Variants in FRMD5 observed in about 807,000 individuals in gnomAD.
FRMD5 encodes FERM domain-containing protein 5.
Under a neutral mutation model 69.0 loss-of-function variants are expected in FRMD5, and 20 were observed. That is an observed-to-expected ratio of 0.29 (90% CI 0.20 to 0.42). FRMD5 has a LOEUF of 0.42. Ranked by LOEUF, FRMD5 falls within the 10% of genes least tolerant of loss-of-function variation. FRMD5 has a pLI of 1.00. For missense variants in FRMD5, 595 were observed against 708.6 expected (o/e 0.84, Z 1.82); for synonymous variants, 271 against 260.1 (o/e 1.04, Z -0.40).
Position 43,874,273 on chromosome 15 carries a change from A to C in FRMD5, c.1325T>G (p.Leu442Arg). The C allele has an allele frequency of 6.2e-7, 1 of 1,614,242 alleles. No individual in the cohort carries two copies. Residue 442 changes from leucine to arginine, a missense_variant, in exon 14 of 14, where the codon CTG becomes CGG. Physicochemically the swap from Leu to Arg is moderately radical, Grantham distance 102. Transcript: ENST00000417257. ...PTPVAEHSLE[L>R]MLLSRQINGA... ...ATTGATCTGCCGGGAAAGCAACATC[A>C]GCTCCAGGCTGTGCTCAGCCACAGG...
chr15:44,186,667 C>T (rs1329620850), intron 1 of FRMD5, among the ~76,000 whole-genome samples: 1 of 152,212 alleles, frequency 6.6e-6, no homozygotes, highest in Admixed American at 6.5e-5. Context: ...CAGCAAGCCC[C>T]CTTAATCTCT....
intron 1 of FRMD5, among the ~76,000 whole-genome samples, chr15:44,192,003 G>C (rs184063657): frequency 3.4e-5 from 5 of 147,784 alleles, no homozygotes; most frequent in Non-Finnish European, 5.9e-5. Flanking sequence ...CTGCATTTAC[G>C]AGGAAATGAC....
intron 1 of FRMD5, among the ~76,000 whole-genome samples, chr15:44,018,321 T>C (rs1891062062): frequency 6.6e-6 from 1 of 152,230 alleles, no homozygotes; most frequent in South Asian, 2.1e-4. Context: ...TCTGTTTGTT[T>C]CATGCCTCAG....
At chr15:44,000,199 G>T (rs1890149883) in intron 1 of FRMD5, among the ~76,000 whole-genome samples, 1 of 151,246 alleles carries the variant, frequency 6.6e-6, no homozygotes, top group African/African-American at 2.4e-5. Flanking sequence ...TATTGCCCAG[G>T]GTGGTCTTGA....
chr15:43,973,730 A>G (rs180738720), intron 1 of FRMD5, among the ~76,000 whole-genome samples: 6 of 152,204 alleles, frequency 3.9e-5, no homozygotes, highest in Admixed American at 3.9e-4. Context: ...CTGCAGCATT[A>G]TAATACAGCT....
intron 1 of FRMD5, among the ~76,000 whole-genome samples, chr15:44,089,864 T>A (rs2076446851): frequency 6.6e-6 from 1 of 152,152 alleles, no homozygotes; most frequent in Non-Finnish European, 1.5e-5. Context: ...CAGAAGTGCC[T>A]ATTATAAAGC....
chr15:44,034,370 T>C (rs1033037701), intron 1 of FRMD5, among the ~76,000 whole-genome samples: 2 of 152,220 alleles, frequency 1.3e-5, no homozygotes, highest in African/African-American at 4.8e-5. Context: ...TACCTACTTA[T>C]ATGGTCTGTT....
intron 1 of FRMD5, among the ~76,000 whole-genome samples, chr15:44,003,712 T>C (rs1215365989): frequency 6.6e-6 from 1 of 152,234 alleles, no homozygotes; most frequent in Non-Finnish European, 1.5e-5. Flanking sequence ...TTGATACGTA[T>C]ACTTGATATT....
chr15:44,014,670 G>A (rs1279465454), intron 1 of FRMD5, among the ~76,000 whole-genome samples: 1 of 152,160 alleles, frequency 6.6e-6, no homozygotes. Flanking sequence ...CCAGGAGATG[G>A]AGGTTGCCTT....
intron 1 of FRMD5, among the ~76,000 whole-genome samples, chr15:43,981,458 T>C (rs2090547495): frequency 6.6e-6 from 1 of 152,166 alleles, no homozygotes; most frequent in Admixed American, 6.5e-5. Context: ...GGTCTTACTG[T>C]CTTGGGAGTA....
At chr15:43,991,149 T>C (rs1889656645) in intron 1 of FRMD5, among the ~76,000 whole-genome samples, 1 of 152,214 alleles carries the variant, frequency 6.6e-6, no homozygotes, top group African/African-American at 2.4e-5. Context: ...AGAGTTAAGA[T>C]GCTGTGATTT....
chr15:44,151,792 G>A (rs2077451294), intron 1 of FRMD5, among the ~76,000 whole-genome samples: 1 of 152,120 alleles, frequency 6.6e-6, no homozygotes, highest in South Asian at 2.1e-4. Flanking sequence ...AAAATCAACA[G>A]AGTAAAAAGG....
intron 1 of FRMD5, chr15:43,989,287 G>A: frequency 2.5e-6 from 2 of 785,120 alleles, no homozygotes; most frequent in South Asian, 2.7e-5. Flanking sequence ...GGTGCCGCCA[G>A]ATAGCACTGT....
intron 1 of FRMD5, among the ~76,000 whole-genome samples, chr15:44,138,281 T>A (rs544383992): frequency 1.1e-4 from 17 of 152,076 alleles, no homozygotes; most frequent in Admixed American, 1.0e-3. Context: ...TCTCAAAGGA[T>A]ATAAAGGAAA....
chr15:44,195,017 A>G lies in FRMD5; in HGVS notation c.38T>C (p.Leu13Pro). ...SRLMSGSSRS[L>P]EREYSCTVRL... ...CACGGTGCAGCTGTACTCGCGCTCC[A>G]GGCTCCTGCTGCTGCCGCTCATCAA... is the stretch of plus-strand genomic sequence containing the variant. The change falls in exon 1 of 14, where the codon CTG (leucine) becomes CCG (proline). Residue 13 changes from leucine (L) to proline (P), a missense_variant. This residue lies in a region of FRMD5 where 44 missense variants were observed against 33.6 expected (regional missense o/e 1.31). Transcript: ENST00000417257. 3 of 1,558,138 alleles carry G rather than the reference A, an allele frequency of 1.9e-6. No homozygotes were observed.
At chr15:44,104,668 G>C (rs2076689220) in intron 1 of FRMD5, among the ~76,000 whole-genome samples, 1 of 152,170 alleles carries the variant, frequency 6.6e-6, no homozygotes, top group African/African-American at 2.4e-5. Flanking sequence ...ATACAGGTTT[G>C]TAGCCTAAGA....
rs554636907 is a variant in FRMD5 at position 44,153,323 on chromosome 15, A to G, written c.102+41630T>C. Among the ~76,000 whole-genome samples, 149 of 152,382 alleles carry G rather than the reference A, an allele frequency of 9.8e-4. 2 individuals are homozygous for G. The highest frequency in any genetic ancestry group is 3.4e-3 in the Middle Eastern group (1 of 292). Reference sequence around the variant, plus strand: ...AAATGTAGAGGCAACCTAAAAGTCCATCAACAGATGAATGAATAAGCAAAA... The same window carrying G: ...AAATGTAGAGGCAACCTAAAAGTCCGTCAACAGATGAATGAATAAGCAAAA... On this transcript the variant is annotated intron_variant, in intron 1 of 13. Transcript: ENST00000417257.
Position 43,914,723 on chromosome 15 carries a change from C to CTTTTTTTTTTTTTTTTTTTTT in FRMD5, c.329+4715_329+4735dup. 2.8e-3 allele frequency among the ~76,000 whole-genome samples: 309 copies of CTTTTTTTTTTTTTTTTTTTTT among 109,362 alleles called. 63 individuals carry two copies. Among genetic ancestry groups the CTTTTTTTTTTTTTTTTTTTTT allele is most frequent in the African/African-American group, 0.012 (232 of 18,578 alleles). 71.7% of individuals were successfully genotyped at this position (109,362 alleles called of 152,430 possible). A position where few individuals can be genotyped will look rare whatever the true frequency, so the allele number is the denominator to read the frequency against. On this transcript the variant is annotated intron_variant, in intron 4 of 13. Transcript: ENST00000417257. ...CCCAGCAACTCTATGAGGTGACTAC[C>CTTTTTTTTTTTTTTTTTTTTT]TTTTTTTTTTTTTTTTTTTTTGAGA... is the stretch of plus-strand genomic sequence containing the variant.
At chr15:43,914,723 CTTTTTTTTTTTT>C (rs533023960) in intron 4 of FRMD5, among the ~76,000 whole-genome samples, 1 of 109,418 alleles carries the variant, frequency 9.1e-6, no homozygotes, top group Non-Finnish European at 1.7e-5. Flanking sequence ...AGGTGACTAC[CTTTTTTTTTTTT>C]TTTTTTTTTG....
Sources: allele counts gnomAD v4.1 joint callset (sites outside exome capture counted in the v4.1 genomes callset), GRCh38; gene constraint gnomAD v4.1.1; regional missense constraint gnomAD v4.1.1; transcripts MANE v1.5; gene names NCBI Gene and HGNC (gene_info 2026-07-23, HGNC 2026-07-21).